ADGRL3: variants seen among roughly 807,000 people sequenced by gnomAD.
The protein encoded by ADGRL3 is calcium-independent alpha-latrotoxin receptor 3.
In ADGRL3, 62 loss-of-function variants were observed where a neutral mutation model predicts 153.5. The observed-to-expected ratio is 0.40, with a 90% CI of 0.33 to 0.50. The LOEUF is 0.50. ADGRL3 is among the 20% of genes least tolerant of loss of function. The pLI, the probability that ADGRL3 is intolerant of heterozygous loss-of-function variation, is 0.47. For synonymous variants in ADGRL3, 710 were observed against 672.5 expected (o/e 1.06, Z -0.86); for missense variants, 1,641 against 1,859.4 (o/e 0.88, Z 2.16).
At chr4:61,539,327 G>A (rs1443147435) in intron 4 of ADGRL3, among the ~76,000 whole-genome samples, 1 of 152,210 alleles carries the variant, frequency 6.6e-6, no homozygotes, top group East Asian at 1.9e-4. Flanking sequence ...TGGGGAACAG[G>A]AGACGGCCTT....
At chr4:61,813,737 T>G (rs2097657141) in intron 8 of ADGRL3, 72 bp from the exon 9 acceptor site, 7 of 1,558,428 alleles carry the variant, frequency 4.5e-6, no homozygotes, top group Non-Finnish European at 6.1e-6. Flanking sequence ...TAGTGTTATA[T>G]CATAAAAACA....
chr4:61,730,571 T>C, intron 6 of ADGRL3, 51 bp from the exon 7 acceptor site: 5 of 438,758 alleles, frequency 1.1e-5, no homozygotes, highest in Middle Eastern at 3.2e-4. Context: ...TACCGTACCA[T>C]TAATCTATTC....
At chr4:61,813,957 A>T in intron 9 of ADGRL3, 68 bp downstream of exon 9, 2 of 1,578,234 alleles carry the variant, frequency 1.3e-6, no homozygotes. Context: ...TGATGGTTGT[A>T]CATATGTATT....
chr4:61,371,088 T>C (rs2096516566), intron 1 of ADGRL3, among the ~76,000 whole-genome samples: 1 of 150,386 alleles, frequency 6.6e-6, no homozygotes, highest in African/African-American at 2.4e-5. Flanking sequence ...GCTTGGTAGA[T>C]CTTCCTCCAT....
intron 2 of ADGRL3, among the ~76,000 whole-genome samples, chr4:61,447,547 A>G (rs2643037): frequency 0.93 from 141,803 of 152,232 alleles, 66,892 homozygotes; most frequent in East Asian, 1. Context: ...TGGTATATTC[A>G]GATTTTTGGA....
intron 5 of ADGRL3, among the ~76,000 whole-genome samples, chr4:61,595,539 A>C (rs973622937): frequency 6.6e-6 from 1 of 152,160 alleles, no homozygotes; most frequent in Non-Finnish European, 1.5e-5. Context: ...CCAAGATGCA[A>C]GACAAAGTCC....
At chr4:61,397,904 A>G (rs2096887032) in intron 2 of ADGRL3, among the ~76,000 whole-genome samples, 1 of 151,900 alleles carries the variant, frequency 6.6e-6, no homozygotes, top group Non-Finnish European at 1.5e-5. Flanking sequence ...GGTAAATAAT[A>G]AAGTGGTCAT....
chr4:61,340,676 T>C (rs2095789355), intron 1 of ADGRL3, among the ~76,000 whole-genome samples: 1 of 152,068 alleles, frequency 6.6e-6, no homozygotes, highest in Admixed American at 6.6e-5. Context: ...ATCTGGGAGA[T>C]TTATGCACAG....
intron 21 of ADGRL3, among the ~76,000 whole-genome samples, chr4:62,024,008 C>A (rs1716853523): frequency 6.6e-6 from 1 of 152,082 alleles, no homozygotes; most frequent in Admixed American, 6.6e-5. Flanking sequence ...CTTCATTATT[C>A]ATTCTCCTTA....
intron 2 of ADGRL3, among the ~76,000 whole-genome samples, chr4:61,452,910 TATAG>T (rs2097692229): frequency 6.6e-6 from 1 of 152,164 alleles, no homozygotes; most frequent in Non-Finnish European, 1.5e-5. Flanking sequence ...AAAAATATTG[TATAG>T]ACTAGTTAGG....
chr4:61,240,562 T>G lies in ADGRL3; in HGVS notation c.-240+38797T>G, dbSNP rs370649215. Among the ~76,000 whole-genome samples the G allele has an allele frequency of 1.6e-3, 245 of 152,244 alleles. 1 individual carries two copies. Among genetic ancestry groups the G allele is most frequent in the African/African-American group, 5.6e-3 (231 of 41,568 alleles). On this transcript the variant is annotated intron_variant, in intron 1 of 26. Transcript: ENST00000683033. ...GATGTAGATGTCTTTATCTGTAATTTTTAACTCTTTTAATGCTGAAATAAA... is the reference window on the plus strand; with the variant it reads ...GATGTAGATGTCTTTATCTGTAATTGTTAACTCTTTTAATGCTGAAATAAA...
At chr4:61,234,642 G>C (rs147176724) in intron 1 of ADGRL3, among the ~76,000 whole-genome samples, 7 of 152,286 alleles carry the variant, frequency 4.6e-5, no homozygotes, top group African/African-American at 1.4e-4. Context: ...GAGCCTGGAG[G>C]GTTGGTCGGA....
chr4:61,316,700 T>C (rs1039115851), intron 1 of ADGRL3, among the ~76,000 whole-genome samples: 1 of 152,180 alleles, frequency 6.6e-6, no homozygotes, highest in African/African-American at 2.4e-5. Flanking sequence ...GTTGCTCAGA[T>C]TGTAGCTGTC....
At chr4:61,994,561 T>A (rs1560480294) in intron 19 of ADGRL3, among the ~76,000 whole-genome samples, 1 of 152,124 alleles carries the variant, frequency 6.6e-6, no homozygotes, top group East Asian at 1.9e-4. Flanking sequence ...TATAGCAAAG[T>A]AAAGGAAGCC....
intron 17 of ADGRL3, among the ~76,000 whole-genome samples, chr4:61,953,582 AT>A (rs2098955403): frequency 6.6e-6 from 1 of 152,196 alleles, no homozygotes. Context: ...AATTCCAAGG[AT>A]TCCAGTGGAA....
chr4:61,244,077 G>C (rs1474357839), intron 1 of ADGRL3, among the ~76,000 whole-genome samples: 1 of 151,982 alleles, frequency 6.6e-6, no homozygotes, highest in African/African-American at 2.4e-5. Context: ...TTCCCTATCT[G>C]TCATATTTTA....
chr4:61,427,594 C>T (rs1408792199), intron 2 of ADGRL3: 1 of 152,780 alleles, frequency 6.5e-6, no homozygotes, highest in East Asian at 1.9e-4. Flanking sequence ...GTCCCTGAAC[C>T]CCCACGCCCT....
intron 2 of ADGRL3, among the ~76,000 whole-genome samples, chr4:61,426,402 C>T (rs1019452464): frequency 2.1e-4 from 32 of 152,010 alleles, no homozygotes; most frequent in African/African-American, 7.2e-4. Flanking sequence ...AGGAAGCAGT[C>T]GCACCCTGGC....
chr4:61,213,920 A>G (rs1464445098), intron 1 of ADGRL3, among the ~76,000 whole-genome samples: 1 of 152,024 alleles, frequency 6.6e-6, no homozygotes, highest in Non-Finnish European at 1.5e-5. Flanking sequence ...TAATCATTTG[A>G]CTTTTTCTAC....
Sources: allele counts gnomAD v4.1 joint callset (sites outside exome capture counted in the v4.1 genomes callset), GRCh38; gene constraint gnomAD v4.1.1; transcripts MANE v1.5; gene names NCBI Gene and HGNC (gene_info 2026-07-23, HGNC 2026-07-21).